Variants in SCN8A observed in about 807,000 individuals in gnomAD.
SCN8A encodes the protein sodium channel protein type 8 subunit alpha.
In SCN8A, 30 loss-of-function variants were observed where a neutral mutation model predicts 184.1. The ratio of observed to expected loss-of-function variants is 0.16; its 90% CI spans 0.12 to 0.22. SCN8A has a LOEUF of 0.22. SCN8A is among the 10% of genes least tolerant of loss of function. The probability of loss-of-function intolerance (pLI) is 1.00; values close to 1 mark genes in which losing one functional copy is unlikely to be tolerated. For missense variants in SCN8A, 1,057 were observed against 2,498.9 expected, an observed-to-expected ratio of 0.42 and a Z score of 12.30; for synonymous variants, 852 against 907.0, an observed-to-expected ratio of 0.94 and a Z score of 1.09.
At position 51,807,212 on chromosome 12, in the gene SCN8A, A is replaced by G. The variant is rs1938729302; in HGVS notation, c.5726A>G (p.His1909Arg). 1 of 1,614,004 alleles carries G rather than the reference A, an allele frequency of 6.2e-7. No homozygotes were observed. The highest frequency in any genetic ancestry group is 8.5e-7 in the Non-Finnish European group (1 of 1,179,894). Residue 1909 changes from histidine to arginine, a missense_variant, in exon 27 of 27, where the codon CAT becomes CGT. Physicochemically the swap from His to Arg is conservative, Grantham distance 29. This residue lies in a region of SCN8A where 95 missense variants were observed against 140.2 expected (regional missense o/e 0.68). Transcript: ENST00000627620. This position sits in a 1 kb window ranked among gnomAD's most constrained non-coding sequence, Gnocchi z 4.5. ...AVVLQRAYRG[H>R]LARRGFICKK... ...GTCCTGCAGCGTGCCTACCGGGGAC[A>G]TTTGGCAAGGCGGGGCTTCATCTGC...
intron 2 of SCN8A, among the ~76,000 whole-genome samples, chr12:51,666,340 A>AT (rs1941032831): frequency 6.6e-6 from 1 of 152,200 alleles, no homozygotes; most frequent in South Asian, 2.1e-4. Context: ...GATCAGAGTG[A>AT]TTTTTTTGCA....
Position 51,625,240 on chromosome 12 carries a change from G to A in SCN8A, c.-55+33881G>A, listed in dbSNP as rs368378342. ...AACTAGTAATCTGTTTTTCATCCCT[G>A]TAGTTTTGCCTTTTCCAAAATGTCA... On this transcript the variant is annotated intron_variant, in intron 1 of 26. Transcript: ENST00000627620. 1.2e-4 allele frequency among the ~76,000 whole-genome samples: 18 copies of A among 152,264 alleles called. No homozygotes were observed. In the East Asian group the frequency reaches 1.7e-3, roughly 15 times the overall value.
At chr12:51,654,462 A>G (rs1200584731) in intron 1 of SCN8A, among the ~76,000 whole-genome samples, 1 of 152,118 alleles carries the variant, frequency 6.6e-6, no homozygotes, top group Non-Finnish European at 1.5e-5. Context: ...TTCCCCATTG[A>G]ATGGTCTTGG....
intron 12 of SCN8A, among the ~76,000 whole-genome samples, chr12:51,729,509 T>C (rs1942207857): frequency 6.6e-6 from 1 of 152,258 alleles, no homozygotes; most frequent in African/African-American, 2.4e-5. Flanking sequence ...CATTCCTTGT[T>C]ATTGCTGAGT....
intron 14 of SCN8A, among the ~76,000 whole-genome samples, 157 bp downstream of exon 14, chr12:51,751,750 T>C (rs1232296181): frequency 6.6e-6 from 1 of 152,246 alleles, no homozygotes; most frequent in Non-Finnish European, 1.5e-5. Flanking sequence ...CAGCTGCTTT[T>C]CTGCTCACTG....
Position 51,810,053 on chromosome 12 carries a change from T to A in SCN8A, c.*2624T>A, listed in dbSNP as rs1441821606. 1 of 156,196 alleles carries A rather than the reference T, an allele frequency of 6.4e-6. No individual in the cohort carries two copies. The highest frequency in any genetic ancestry group is 2.4e-5 in the African/African-American group (1 of 41,512). 9.7% of individuals were successfully genotyped at this position (156,196 alleles called of 1,614,324 possible). On this transcript the variant is annotated 3_prime_UTR_variant, in exon 27 of 27. Coordinates refer to ENST00000627620, the MANE Select transcript of SCN8A (RefSeq NM_001330260.2). The stretch of plus-strand genomic sequence containing the variant: ...CTGTAAGATCCCGCCAAGTACACCA[T>A]GTGCTCATGCTAGTGATGTCATTAA...
At chr12:51,791,250 T>C (rs567033415) in intron 25 of SCN8A, among the ~76,000 whole-genome samples, 39 of 152,294 alleles carry the variant, frequency 2.6e-4, no homozygotes, top group African/African-American at 7.9e-4. Flanking sequence ...ATACAAAAGC[T>C]TCCCTGATAA....
rs1942911383 is a variant in SCN8A at position 51,770,621 on chromosome 12, G to A, written c.3583G>A (p.Val1195Met). Reference protein sequence around the residue: ...WILRKTCFLIVEHNWFETFII... With the variant: ...WILRKTCFLIMEHNWFETFII... Reference sequence around the variant, plus strand: ...CCTGCGGAAAACCTGCTTCCTCATCGTGGAGCACAACTGGTTTGAGACCTT... The same window carrying A: ...CCTGCGGAAAACCTGCTTCCTCATCATGGAGCACAACTGGTTTGAGACCTT... The change falls in exon 19 of 27, where the codon GTG (valine) becomes ATG (methionine). Residue 1195 changes from valine (V) to methionine (M), a missense_variant. Physicochemically the swap from Val to Met is conservative, Grantham distance 21. Coordinates refer to ENST00000627620, the MANE Select transcript of SCN8A (RefSeq NM_001330260.2). 3 of 1,614,162 alleles carry A rather than the reference G, an allele frequency of 1.9e-6. No homozygotes were observed. Among genetic ancestry groups the A allele is most frequent in the Non-Finnish European group, 1.7e-6 (2 of 1,180,004 alleles).
chr12:51,746,647 C>T (rs895682144), intron 13 of SCN8A, among the ~76,000 whole-genome samples: 1 of 152,128 alleles, frequency 6.6e-6, no homozygotes, highest in African/African-American at 2.4e-5. Flanking sequence ...AATCATAGCA[C>T]GTCTGCAGTA....
chr12:51,636,532 A>G (rs1357768509), intron 1 of SCN8A, among the ~76,000 whole-genome samples: 2 of 152,116 alleles, frequency 1.3e-5, no homozygotes, highest in African/African-American at 4.8e-5. Context: ...GTGTGTAGAA[A>G]GGTGGAGAAC....
intron 2 of SCN8A, among the ~76,000 whole-genome samples, chr12:51,671,714 A>T (rs1386115766): frequency 2.0e-5 from 3 of 152,330 alleles, no homozygotes; most frequent in South Asian, 2.1e-4. Flanking sequence ...TTACAGAGGG[A>T]TGCTTCTCTT....
intron 12 of SCN8A, among the ~76,000 whole-genome samples, chr12:51,738,693 A>G (rs1022951670): frequency 6.6e-6 from 1 of 152,228 alleles, no homozygotes; most frequent in African/African-American, 2.4e-5. Flanking sequence ...AAGTAGATAT[A>G]ACAATTTGAA....
chr12:51,744,613 C>CTTTT (rs1410294336), intron 12 of SCN8A, among the ~76,000 whole-genome samples: 1 of 137,546 alleles, frequency 7.3e-6, no homozygotes, highest in African/African-American at 2.7e-5. Flanking sequence ...TGATGAAACA[C>CTTTT]TTTTTTTTTT....
At chr12:51,804,440 T>G (rs999845837) in intron 26 of SCN8A, among the ~76,000 whole-genome samples, 2 of 151,156 alleles carry the variant, frequency 1.3e-5, no homozygotes, top group African/African-American at 4.9e-5. Flanking sequence ...TGCCTCAGCC[T>G]CCTGAGTAGC....
chr12:51,744,219 C>T (rs1942471983), intron 12 of SCN8A, among the ~76,000 whole-genome samples: 1 of 152,196 alleles, frequency 6.6e-6, no homozygotes. Flanking sequence ...GGGAAAATTG[C>T]TTGAACCTCA....
intron 12 of SCN8A, among the ~76,000 whole-genome samples, chr12:51,734,689 T>G (rs1461432507): frequency 6.6e-6 from 1 of 152,210 alleles, no homozygotes; most frequent in Non-Finnish European, 1.5e-5. Flanking sequence ...TATGGCCAGA[T>G]TTTGGGGGGC....
intron 5 of SCN8A, among the ~76,000 whole-genome samples, chr12:51,687,869 T>C (rs1446907444): frequency 2.0e-5 from 3 of 152,202 alleles, no homozygotes; most frequent in Admixed American, 2.0e-4. Flanking sequence ...GGCTTTAATA[T>C]TTTTATTTCC....
rs1251782815 is a variant in SCN8A, at chr12:51,712,891, C to T, written c.1635+6176C>T. ...TCCTCTTCCACCAAAGTTTCCACCA[C>T]GGCCAAAATTACCTCCACCACCTCC... is the stretch of plus-strand genomic sequence containing the variant. On this transcript the variant is annotated intron_variant, in intron 11 of 26. Transcript: ENST00000627620. The T allele has an allele frequency of 7.8e-5, 122 of 1,567,306 alleles. No homozygotes were observed. The East Asian group carries it at 1.2e-3, about 15-fold the overall frequency.
chr12:51,755,629 A>G (rs569855964), intron 14 of SCN8A, among the ~76,000 whole-genome samples: 3,160 of 152,018 alleles, frequency 0.021, 105 homozygotes, highest in African/African-American at 0.069. Flanking sequence ...ATAGAAAACT[A>G]AAAAAAAAGG....
Sources: gnomAD v4.1 joint callset for allele counts (sites outside exome capture counted in the v4.1 genomes callset) on GRCh38, gnomAD v4.1.1 for gene constraint, gnomAD v4.1.1 regional missense constraint, Gnocchi (gnomAD v3.1) non-coding constraint, MANE v1.5 for transcripts, NCBI Gene and HGNC (gene_info 2026-07-23, HGNC 2026-07-21) for gene names.